The following HECW1 variants were observed in gnomAD, a reference collection of about 807,000 sequenced individuals.
HECW1 encodes the protein HECT, C2 and WW domain containing E3 ubiquitin protein ligase 1.
Under a neutral mutation model 182.3 loss-of-function variants are expected in HECW1, and 61 were observed. The ratio of observed to expected loss-of-function variants is 0.33; its 90% CI spans 0.27 to 0.41. HECW1 has a LOEUF of 0.41. Among genes scored for constraint, HECW1 ranks in the 10% least tolerant of loss-of-function variants. The probability of loss-of-function intolerance (pLI) is 1.00; values close to 1 mark genes in which losing one functional copy is unlikely to be tolerated. For synonymous variants in HECW1, 859 were observed against 832.6 expected (o/e 1.03, Z -0.55); for missense variants, 1,739 against 2,108.9 (o/e 0.82, Z 3.44).
chr7:43,135,372 A>G (rs1285616721), intron 2 of HECW1, among the ~76,000 whole-genome samples: 3 of 152,150 alleles, frequency 2.0e-5, no homozygotes, highest in Non-Finnish European at 4.4e-5. Context: ...TGTAATGGCT[A>G]GAGTGCCAGC....
At chr7:43,416,383 G>T (rs376819528) in intron 8 of HECW1, among the ~76,000 whole-genome samples, 33 of 150,900 alleles carry the variant, frequency 2.2e-4, no homozygotes, top group African/African-American at 6.1e-4. Context: ...GCAGTCTGCC[G>T]GTTCTCAGAT....
chr7:43,204,787 G>A (rs1199483321), intron 2 of HECW1, among the ~76,000 whole-genome samples: 1 of 152,168 alleles, frequency 6.6e-6, no homozygotes, highest in East Asian at 1.9e-4. Context: ...CACTTACCTG[G>A]AGGAGAAACA....
chr7:43,404,752 G>C (rs941839390), intron 7 of HECW1, among the ~76,000 whole-genome samples: 2 of 152,098 alleles, frequency 1.3e-5, no homozygotes, highest in Non-Finnish European at 2.9e-5. Flanking sequence ...GGCCGAGGTA[G>C]ATCACCCTAC....
chr7:43,153,963 AGTT>A, intron 2 of HECW1, among the ~76,000 whole-genome samples: 1 of 151,960 alleles, frequency 6.6e-6, no homozygotes, highest in African/African-American at 2.4e-5. Context: ...TTTTTTTGGT[AGTT>A]GTTAGAAAAG....
chr7:43,136,004 G>A (rs113950243), intron 2 of HECW1, among the ~76,000 whole-genome samples: 1 of 141,006 alleles, frequency 7.1e-6, no homozygotes, highest in African/African-American at 2.6e-5. Flanking sequence ...ACTATTTGCT[G>A]ATAGCTCCTT....
At chr7:43,223,842 C>T (rs1455732437) in intron 2 of HECW1, among the ~76,000 whole-genome samples, 1 of 152,240 alleles carries the variant, frequency 6.6e-6, no homozygotes, top group Non-Finnish European at 1.5e-5. Flanking sequence ...GTGCCATTCT[C>T]TCTGCCTGAA....
At chr7:43,337,580 G>T (rs1812460985) in intron 5 of HECW1, among the ~76,000 whole-genome samples, 1 of 152,188 alleles carries the variant, frequency 6.6e-6, no homozygotes. Flanking sequence ...TATTTCCCAG[G>T]TGTTACAGGA....
intron 5 of HECW1, among the ~76,000 whole-genome samples, chr7:43,342,939 T>C (rs1813185541): frequency 6.6e-6 from 1 of 151,254 alleles, no homozygotes. Flanking sequence ...GGCAGGAGAA[T>C]GGCATGAACC....
At chr7:43,126,067 C>CTTTTTTTTTTTTT (rs71008891) in intron 2 of HECW1, among the ~76,000 whole-genome samples, 5 of 103,984 alleles carry the variant, frequency 4.8e-5, no homozygotes, top group East Asian at 3.0e-4. Flanking sequence ...TTTGTTCTCA[C>CTTTTTTTTTTTTT]TTTTTTTTTT....
intron 17 of HECW1, among the ~76,000 whole-genome samples, chr7:43,490,196 G>C (rs1279779927): frequency 6.6e-6 from 1 of 152,148 alleles, no homozygotes; most frequent in African/African-American, 2.4e-5. Context: ...AATCACAACA[G>C]CCAAGCTTCA....
intron 28 of HECW1, among the ~76,000 whole-genome samples, chr7:43,553,509 A>G (rs2081916569): frequency 6.6e-6 from 1 of 152,046 alleles, no homozygotes; most frequent in South Asian, 2.1e-4. Flanking sequence ...CCTCTAAAAA[A>G]AATACAAAAA....
chr7:43,447,319 T>C (rs1210695379), intron 11 of HECW1, among the ~76,000 whole-genome samples: 1 of 152,144 alleles, frequency 6.6e-6, no homozygotes, highest in Non-Finnish European at 1.5e-5. Context: ...TTATATAAGA[T>C]CATGTTTTAC....
chr7:43,126,927 G>A (rs1277090987), intron 2 of HECW1, among the ~76,000 whole-genome samples: 1 of 152,144 alleles, frequency 6.6e-6, no homozygotes, highest in African/African-American at 2.4e-5. Context: ...CATTGGCCAT[G>A]CCCTCATCCT....
chr7:43,231,004 G>A (rs1005797884), intron 2 of HECW1, among the ~76,000 whole-genome samples: 1 of 152,128 alleles, frequency 6.6e-6, no homozygotes, highest in Admixed American at 6.6e-5. Flanking sequence ...TGAATCCTCT[G>A]TCTGTTCTGT....
intron 5 of HECW1, among the ~76,000 whole-genome samples, chr7:43,341,100 A>G (rs1812925583): frequency 6.6e-6 from 1 of 151,666 alleles, no homozygotes; most frequent in African/African-American, 2.4e-5. Context: ...ATAGGTGGGA[A>G]TTGAACAATG....
chr7:43,313,154 A>C (rs1433019512), intron 4 of HECW1, among the ~76,000 whole-genome samples: 2 of 152,220 alleles, frequency 1.3e-5, no homozygotes, highest in Non-Finnish European at 2.9e-5. Flanking sequence ...TGCGTTTATA[A>C]TACACACATT....
At chr7:43,344,580 A>C (rs1375352726) in intron 5 of HECW1, among the ~76,000 whole-genome samples, 1 of 150,948 alleles carries the variant, frequency 6.6e-6, no homozygotes, top group Non-Finnish European at 1.5e-5. Context: ...TTTTGAATCT[A>C]TACCTTGATG....
chr7:43,357,033 A>G (rs1464692011), intron 5 of HECW1, among the ~76,000 whole-genome samples: 1 of 152,212 alleles, frequency 6.6e-6, no homozygotes. Flanking sequence ...AATCAAAACC[A>G]CAATGAGTTA....
At chr7:43,507,081 AAAGAAGAAG>A in intron 21 of HECW1, 47 bp from the exon 22 acceptor site, 4 of 1,576,090 alleles carry the variant, frequency 2.5e-6, no homozygotes, top group South Asian at 1.2e-5. Context: ...AAAAAGAAAA[AAAGAAGAAG>A]AAGAAGAAGA....
Sources: gnomAD v4.1 joint callset for allele counts (sites outside exome capture counted in the v4.1 genomes callset) on GRCh38, gnomAD v4.1.1 for gene constraint, MANE v1.5 for transcripts, NCBI Gene and HGNC (gene_info 2026-07-23, HGNC 2026-07-21) for gene names.